PCDH15: variants seen among roughly 807,000 people sequenced by gnomAD.
PCDH15 encodes protocadherin-15.
A neutral mutation model predicts 178.5 loss-of-function variants in PCDH15; 129 were observed. The observed-to-expected ratio is 0.72, with a 90% CI of 0.63 to 0.84. The LOEUF is 0.84. Among genes scored for constraint, PCDH15 ranks in the 40% least tolerant of loss-of-function variants. The probability of loss-of-function intolerance (pLI) is 0.00; values close to 1 mark genes in which losing one functional copy is unlikely to be tolerated. For missense variants in PCDH15, 2,230 were observed against 2,099.9 expected, an observed-to-expected ratio of 1.06 and a Z score of -1.21; for synonymous variants, 800 against 732.0, an observed-to-expected ratio of 1.09 and a Z score of -1.50.
intron 8 of PCDH15, among the ~76,000 whole-genome samples, chr10:54,312,811 G>A (rs957224955): frequency 2.6e-4 from 40 of 152,232 alleles, no homozygotes; most frequent in Admixed American, 2.1e-3. Flanking sequence ...GCAGCTTAGT[G>A]AGCAAATTAA....
intron 2 of PCDH15, among the ~76,000 whole-genome samples, chr10:54,581,754 C>A (rs2091066032): frequency 6.6e-6 from 1 of 151,902 alleles, no homozygotes; most frequent in African/African-American, 2.4e-5. Context: ...GAAAAGAGAA[C>A]CCAGAAGGAA....
chr10:54,020,071 G>T, intron 20 of PCDH15, 121 bp downstream of exon 20: 2 of 798,646 alleles, frequency 2.5e-6, no homozygotes, highest in Non-Finnish European at 2.1e-6. Flanking sequence ...TATGTTATGG[G>T]TCTGGTACCA....
intron 2 of PCDH15, among the ~76,000 whole-genome samples, chr10:55,024,229 T>C (rs868294415): frequency 1.4e-5 from 2 of 147,422 alleles, no homozygotes; most frequent in African/African-American, 4.9e-5. Flanking sequence ...TATATTTCTT[T>C]CTCTGATTCA....
intron 2 of PCDH15, among the ~76,000 whole-genome samples, chr10:55,517,948 A>G (rs979354620): frequency 1.3e-5 from 2 of 152,144 alleles, no homozygotes; most frequent in African/African-American, 2.4e-5. Flanking sequence ...TTTAGTTTCT[A>G]ACAGCTAAAG....
chr10:54,382,018 T>A (rs1255589164), intron 3 of PCDH15, among the ~76,000 whole-genome samples: 1 of 152,158 alleles, frequency 6.6e-6, no homozygotes, highest in Non-Finnish European at 1.5e-5. Flanking sequence ...GAAAAAGACT[T>A]GTTCTCTTGT....
Position 53,889,986 on chromosome 10 carries a change from G to A in PCDH15, c.3501+13257C>T, listed in dbSNP as rs559639957. ...TTACGGGGATGTGGAGCAGGAACTG[G>A]TAATGCTCTGTTTCTTGACCTGGGC... On this transcript the variant is annotated intron_variant, in intron 26 of 37. Coordinates refer to ENST00000644397, the MANE Select transcript of PCDH15 (RefSeq NM_001384140.1). Among the ~76,000 whole-genome samples, 51 of 152,288 alleles carry A rather than the reference G, an allele frequency of 3.3e-4. 1 individual carries two copies. Among genetic ancestry groups the A allele is most frequent in the Admixed American group, 3.3e-3 (51 of 15,302 alleles).
intron 25 of PCDH15, among the ~76,000 whole-genome samples, chr10:53,922,979 C>G (rs568287763): frequency 6.6e-6 from 1 of 152,094 alleles, no homozygotes; most frequent in East Asian, 1.9e-4. Context: ...CCCAGCTACT[C>G]AGGAGGCTGA....
At chr10:54,430,565 A>C in intron 3 of PCDH15, among the ~76,000 whole-genome samples, 1 of 152,174 alleles carries the variant, frequency 6.6e-6, no homozygotes, top group East Asian at 1.9e-4. Flanking sequence ...TCAGTGAAAA[A>C]GTTAAGAAGG....
intron 15 of PCDH15, among the ~76,000 whole-genome samples, chr10:54,124,789 T>C (rs1416829746): frequency 6.6e-6 from 1 of 151,984 alleles, no homozygotes; most frequent in Admixed American, 6.6e-5. Context: ...GAAATATTCA[T>C]CAAAAAAGGG....
chr10:54,296,069 C>T (rs1376909442), intron 8 of PCDH15, among the ~76,000 whole-genome samples: 20 of 138,752 alleles, frequency 1.4e-4, no homozygotes, highest in Admixed American at 8.5e-4. Context: ...GGCGTGAACC[C>T]GGGAGGCGGA....
chr10:54,850,279 C>T (rs1005657371), intron 3 of PCDH15, among the ~76,000 whole-genome samples: 2 of 152,086 alleles, frequency 1.3e-5, no homozygotes, highest in South Asian at 2.1e-4. Flanking sequence ...TTTTCTTAGG[C>T]ATATATATTT....
chr10:55,247,341 G>A (rs1205106669), intron 1 of PCDH15, among the ~76,000 whole-genome samples: 1 of 152,138 alleles, frequency 6.6e-6, no homozygotes, highest in Non-Finnish European at 1.5e-5. Flanking sequence ...TTTATTTAAT[G>A]TAAATTCACA....
At chr10:54,563,381 TTA>T (rs1342297717) in intron 2 of PCDH15, among the ~76,000 whole-genome samples, 9 of 152,250 alleles carry the variant, frequency 5.9e-5, no homozygotes, top group African/African-American at 1.9e-4. Flanking sequence ...AGCTATGGGT[TTA>T]CATGAGTAAT....
chr10:54,810,815 G>A (rs1210208236), intron 3 of PCDH15, among the ~76,000 whole-genome samples: 1 of 151,912 alleles, frequency 6.6e-6, no homozygotes, highest in Non-Finnish European at 1.5e-5. Context: ...ATCAAATATG[G>A]TTTTCTTTTC....
intron 2 of PCDH15, among the ~76,000 whole-genome samples, chr10:55,356,492 T>C (rs1359759825): frequency 6.6e-6 from 1 of 151,834 alleles, no homozygotes; most frequent in Non-Finnish European, 1.5e-5. Flanking sequence ...TTTTGTTTTT[T>C]CTGATCTCAT....
intron 2 of PCDH15, among the ~76,000 whole-genome samples, chr10:54,580,388 C>T (rs534729922): frequency 6.6e-6 from 1 of 152,074 alleles, no homozygotes; most frequent in African/African-American, 2.4e-5. Flanking sequence ...TTCATGAAAA[C>T]ATACAACCTC....
At chr10:54,755,923 C>T (rs1947017866) in intron 1 of PCDH15, among the ~76,000 whole-genome samples, 2 of 152,032 alleles carry the variant, frequency 1.3e-5, no homozygotes, top group South Asian at 2.1e-4. Flanking sequence ...CTCTCTCTAT[C>T]GTGTAAACAC....
chr10:54,491,626 G>T (rs914692407), intron 3 of PCDH15, among the ~76,000 whole-genome samples: 3 of 152,044 alleles, frequency 2.0e-5, no homozygotes, highest in Non-Finnish European at 4.4e-5. Context: ...TCTTGTAGTT[G>T]GAACCCCTTA....
At chr10:53,971,870 A>T (rs2089722936) in intron 21 of PCDH15, among the ~76,000 whole-genome samples, 1 of 152,202 alleles carries the variant, frequency 6.6e-6, no homozygotes, top group Admixed American at 6.5e-5. Flanking sequence ...TGCCCAAGGT[A>T]ATTTATAGAT....
Sources: allele counts gnomAD v4.1 joint callset (sites outside exome capture counted in the v4.1 genomes callset), GRCh38; gene constraint gnomAD v4.1.1; transcripts MANE v1.5; gene names NCBI Gene and HGNC (gene_info 2026-07-23, HGNC 2026-07-21).